FCGRT: variants seen among roughly 807,000 people sequenced by gnomAD.
FCGRT encodes the protein Fc gamma receptor and transporter, also known as IgG receptor FcRn large subunit p51.
A neutral mutation model predicts 35.7 loss-of-function variants in FCGRT; 13 were observed. The ratio of observed to expected loss-of-function variants is 0.36; its 90% CI spans 0.24 to 0.58. FCGRT has a LOEUF of 0.58. Ranked by LOEUF, FCGRT falls within the 20% of genes least tolerant of loss-of-function variation. The probability of loss-of-function intolerance (pLI) is 0.77; values close to 1 mark genes in which losing one functional copy is unlikely to be tolerated. For synonymous variants in FCGRT, 233 were observed against 216.5 expected (o/e 1.08, Z -0.67); for missense variants, 455 against 474.9 (o/e 0.96, Z 0.39).
At chr19:49,519,034 G>A (rs1601192794) in intron 4 of FCGRT, among the ~76,000 whole-genome samples, 1 of 151,568 alleles carries the variant, frequency 6.6e-6, no homozygotes, top group Non-Finnish European at 1.5e-5. Flanking sequence ...AGTAGAGACA[G>A]AGTTTCACTG....
intron 2 of FCGRT, 147 bp from the exon 3 acceptor site, chr19:49,513,735 T>TGGGGGG: frequency 6.0e-6 from 3 of 497,278 alleles, no homozygotes; most frequent in East Asian, 3.4e-5. Context: ...TCTGGGTCTC[T>TGGGGGG]GTCCCCCCCC....
At chr19:49,516,219 CTTCT>C (rs1346723394) in intron 4 of FCGRT, 1 of 433,406 alleles carries the variant, frequency 2.3e-6, no homozygotes, top group African/African-American at 2.1e-5. Context: ...CTTTAATTGT[CTTCT>C]TTCTTTCCTA....
chr19:49,525,242 G>A (rs1601200446), intron 5 of FCGRT: 1 of 556,210 alleles, frequency 1.8e-6, no homozygotes. Context: ...CTGATCCATT[G>A]CCGGTGTGAC....
chr19:49,523,688 G>GTCTCTACTA (rs1202854076), intron 4 of FCGRT, among the ~76,000 whole-genome samples: 1 of 151,820 alleles, frequency 6.6e-6, no homozygotes, highest in Non-Finnish European at 1.5e-5. Flanking sequence ...GTGAAACCCC[G>GTCTCTACTA]TCTCTACTAA....
At chr19:49,525,774 C>G (rs994479624) in intron 6 of FCGRT, among the ~76,000 whole-genome samples, 31 of 149,188 alleles carry the variant, frequency 2.1e-4, no homozygotes, top group African/African-American at 6.7e-4. Flanking sequence ...AACAGAGACC[C>G]AGAGGGGACA....
chr19:49,522,966 A>G (rs1488268705), intron 4 of FCGRT, among the ~76,000 whole-genome samples: 4 of 150,816 alleles, frequency 2.7e-5, no homozygotes, highest in African/African-American at 9.8e-5. Flanking sequence ...TTTAGTAGAG[A>G]TGGGGTTTCA....
At chr19:49,523,478 G>T (rs140011902) in intron 4 of FCGRT, among the ~76,000 whole-genome samples, 3 of 152,116 alleles carry the variant, frequency 2.0e-5, no homozygotes, top group Non-Finnish European at 4.4e-5. Flanking sequence ...TGTGGAAGAA[G>T]AAACTCTTGA....
rs2080077849 is a variant in FCGRT at position 49,526,382 on chromosome 19, C to CG, written c.*268dup. The CG allele has an allele frequency of 6.1e-6, 3 of 491,488 alleles. No homozygotes were observed. The highest frequency in any genetic ancestry group is 7.3e-6 in the Non-Finnish European group (2 of 275,644). The allele number at this position is 491,488 out of a possible 1,614,324, so 30.4% of individuals were successfully genotyped here. On this transcript the variant is annotated 3_prime_UTR_variant, in exon 7 of 7. Transcript: ENST00000221466. ...AGGCAGGGGAGGTAAGGGAATAAGT[C>CG]GGGGGACTGAATGGCGGCTGGGCCT... is the stretch of plus-strand genomic sequence containing the variant.
At chr19:49,514,557 GC>G in intron 4 of FCGRT, 71 bp downstream of exon 4, 1 of 1,413,718 alleles carries the variant, frequency 7.1e-7, no homozygotes, top group Non-Finnish European at 9.4e-7. Context: ...CAGTTCCCCT[GC>G]CAGGACCCTC....
intron 4 of FCGRT, chr19:49,516,220 T>G: frequency 2.3e-6 from 1 of 434,358 alleles, no homozygotes; most frequent in Non-Finnish European, 4.5e-6. Flanking sequence ...TTTAATTGTC[T>G]TCTTTCTTTC....
intron 4 of FCGRT, chr19:49,516,298 A>G: frequency 2.6e-6 from 1 of 377,612 alleles, no homozygotes; most frequent in South Asian, 2.0e-5. Context: ...GCTGGAGTGC[A>G]ATGGCGCGAT....
chr19:49,514,986 C>A (rs1279524342), intron 4 of FCGRT, among the ~76,000 whole-genome samples: 1 of 150,220 alleles, frequency 6.7e-6, no homozygotes, highest in African/African-American at 2.5e-5. Context: ...GCTACTGCTC[C>A]TGGCTCCCCC....
At position 49,526,323 on chromosome 19, in the gene FCGRT, T is replaced by C. The variant is rs2080077389; in HGVS notation, c.*204T>C. On this transcript the variant is annotated 3_prime_UTR_variant, in exon 7 of 7. Transcript: ENST00000221466. The stretch of plus-strand genomic sequence containing the variant: ...TCCACCTCGATAATATAACACGAGT[T>C]TGGGCCCGAATCAGTGTGTTCTCAT... The C allele has an allele frequency of 1.4e-5, 8 of 569,836 alleles. No homozygotes were observed. Among genetic ancestry groups the C allele is most frequent in the South Asian group, 8.1e-5 (4 of 49,248 alleles). 35.3% of individuals were successfully genotyped at this position (569,836 alleles called of 1,614,324 possible). A position where few individuals can be genotyped will look rare whatever the true frequency, so the allele number is the denominator to read the frequency against.
intron 2 of FCGRT, 41 bp from the exon 3 acceptor site, chr19:49,513,841 C>T: frequency 2.0e-6 from 3 of 1,489,194 alleles, no homozygotes; most frequent in Non-Finnish European, 2.7e-6. Context: ...CAGTCTAGTT[C>T]CCCGCCCGTG....
chr19:49,524,701 A>G lies in FCGRT; in HGVS notation c.796A>G (p.Lys266Glu), dbSNP rs748534641. ...CCACGCCTCGTCGTCACTAACAGTC[A>G]AAAGTGGCGATGAGCACCACTACTG... ...SFHASSSLTV[K>E]SGDEHHYCCI... The change falls in exon 5 of 7, where the codon AAA becomes GAA. Residue 266 changes from lysine to glutamate, a missense_variant. By Grantham distance (56) the Lys-to-Glu change is moderately conservative. This residue lies in a region of FCGRT where 312 missense variants were observed against 296.1 expected (regional missense o/e 1.05). Transcript: ENST00000221466. 2.0e-5 allele frequency: 32 copies of G among 1,603,010 alleles called. No individual in the cohort carries two copies. In the South Asian group the frequency reaches 3.3e-4, roughly 16 times the overall value.
chr19:49,525,676 A>T (rs1355857637), intron 6 of FCGRT, 103 bp downstream of exon 6: 2 of 808,750 alleles, frequency 2.5e-6, no homozygotes, highest in Non-Finnish European at 4.1e-6. Flanking sequence ...GGGGACAGAG[A>T]TCAGAGAGAG....
chr19:49,519,780 T>C (rs573069283), intron 4 of FCGRT, among the ~76,000 whole-genome samples: 1 of 152,094 alleles, frequency 6.6e-6, no homozygotes, highest in Admixed American at 6.6e-5. Flanking sequence ...CTTTGTCAGG[T>C]TTTCTCCTGA....
chr19:49,525,051 TG>T, intron 5 of FCGRT: 2 of 223,992 alleles, frequency 8.9e-6, no homozygotes, highest in Middle Eastern at 1.2e-3. Context: ...TCTTCCATCC[TG>T]CTGCTGCTGC....
rs1442001888 is a variant in FCGRT, at chr19:49,526,038, C to T, written c.1017C>T (p.Asp339=). 4 of 1,613,146 alleles carry T rather than the reference C, an allele frequency of 2.5e-6. No homozygotes were observed. The highest frequency in any genetic ancestry group is 2.7e-5 in the African/African-American group (2 of 75,034). The change falls in exon 7 of 7, where the codon GAC becomes GAT. Residue 339 remains aspartate (D), a synonymous_variant. Transcript: ENST00000221466. ...CTTGGATCTCCCTTCGTGGAGACGA[C>T]ACCGGGGTCCTCCTGCCCACCCCAG... ...PAPWISLRGD[D]TGVLLPTPGE... is the part of the protein sequence containing the mutation.
Sources: gnomAD v4.1 joint callset for allele counts (sites outside exome capture counted in the v4.1 genomes callset) on GRCh38, gnomAD v4.1.1 for gene constraint, gnomAD v4.1.1 regional missense constraint, MANE v1.5 for transcripts, NCBI Gene and HGNC (gene_info 2026-07-23, HGNC 2026-07-21) for gene names.